Variants in CNTNAP2 observed in about 807,000 individuals in gnomAD.
CNTNAP2 encodes the protein contactin-associated protein-like 2.
In CNTNAP2, 98 loss-of-function variants were observed where a neutral mutation model predicts 155.2. The ratio of observed to expected loss-of-function variants is 0.63; its 90% CI spans 0.54 to 0.75. CNTNAP2 has a LOEUF of 0.75. CNTNAP2 is among the 30% of genes least tolerant of loss of function. The probability of loss-of-function intolerance (pLI) is 0.00; values close to 1 mark genes in which losing one functional copy is unlikely to be tolerated. For missense variants in CNTNAP2, 1,727 were observed against 1,688.1 expected (o/e 1.02, Z -0.40); for synonymous variants, 651 against 631.2 (o/e 1.03, Z -0.47).
chr7:146,728,026 G>T (rs897197418), intron 1 of CNTNAP2, among the ~76,000 whole-genome samples: 1 of 152,112 alleles, frequency 6.6e-6, no homozygotes, highest in Non-Finnish European at 1.5e-5. Context: ...CTAAACCGAC[G>T]ATTTCAACTC....
At chr7:147,463,261 A>G (rs916256097) in intron 10 of CNTNAP2, among the ~76,000 whole-genome samples, 1 of 152,232 alleles carries the variant, frequency 6.6e-6, no homozygotes, top group Non-Finnish European at 1.5e-5. Flanking sequence ...ATTTGGCCAT[A>G]ATTAAGTGCA....
chr7:147,559,642 G>C (rs1018392365), intron 11 of CNTNAP2, among the ~76,000 whole-genome samples: 1 of 152,102 alleles, frequency 6.6e-6, no homozygotes, highest in Admixed American at 6.5e-5. Context: ...AAGGGGAATG[G>C]TTTCAATGGC....
chr7:147,247,028 G>A (rs1269202186), intron 8 of CNTNAP2, among the ~76,000 whole-genome samples: 1 of 152,152 alleles, frequency 6.6e-6, no homozygotes, highest in Non-Finnish European at 1.5e-5. Flanking sequence ...TATTTAACAA[G>A]TCTCTACTTC....
chr7:148,220,445 T>G (rs2116762400), intron 19 of CNTNAP2, among the ~76,000 whole-genome samples: 1 of 152,308 alleles, frequency 6.6e-6, no homozygotes, highest in East Asian at 1.9e-4. Flanking sequence ...GAAAAGAATC[T>G]GAAAGTTCAA....
chr7:146,610,955 C>T (rs867533789), intron 1 of CNTNAP2, among the ~76,000 whole-genome samples: 8 of 152,132 alleles, frequency 5.3e-5, no homozygotes, highest in African/African-American at 1.9e-4. Flanking sequence ...AAAGTCCCAA[C>T]CTCTGGGATT....
At chr7:147,949,440 GTATA>G (rs57422437) in intron 14 of CNTNAP2, among the ~76,000 whole-genome samples, 10 of 127,400 alleles carry the variant, frequency 7.8e-5, no homozygotes, top group African/African-American at 1.9e-4. Context: ...TCAACTGTGT[GTATA>G]TATATATATA....
rs76455406 is a variant in CNTNAP2, at chr7:146,489,731, A to G, written c.98-284540A>G. ...TATGCTGACAATTCGAAGGGTGAAGATGGGTGGAGAGGAATTTTATTGAGC... is the reference window on the plus strand; with the variant it reads ...TATGCTGACAATTCGAAGGGTGAAGGTGGGTGGAGAGGAATTTTATTGAGC... On this transcript the variant is annotated intron_variant, in intron 1 of 23. Coordinates refer to ENST00000361727, the MANE Select transcript of CNTNAP2 (RefSeq NM_014141.6). Among the ~76,000 whole-genome samples the G allele has an allele frequency of 2.2e-3, 339 of 152,200 alleles. 2 individuals are homozygous for G. The highest frequency in any genetic ancestry group is 3.6e-3 in the Non-Finnish European group (246 of 68,002).
intron 9 of CNTNAP2, among the ~76,000 whole-genome samples, chr7:147,373,797 T>G (rs1423660307): frequency 6.6e-6 from 1 of 152,062 alleles, no homozygotes; most frequent in East Asian, 1.9e-4. Flanking sequence ...TTTTGCTTGT[T>G]GGTTTGGTTT....
At chr7:146,920,472 A>T (rs1796478637) in intron 3 of CNTNAP2, among the ~76,000 whole-genome samples, 1 of 152,088 alleles carries the variant, frequency 6.6e-6, no homozygotes, top group Non-Finnish European at 1.5e-5. Flanking sequence ...TGATCTAATC[A>T]TGCCATATTG....
At chr7:146,310,515 C>G (rs944842186) in intron 1 of CNTNAP2, among the ~76,000 whole-genome samples, 4 of 151,886 alleles carry the variant, frequency 2.6e-5, no homozygotes, top group African/African-American at 9.7e-5. Flanking sequence ...TATAATTGTA[C>G]TATTTTCCTG....
chr7:146,691,353 C>G (rs931614968), intron 1 of CNTNAP2, among the ~76,000 whole-genome samples: 1 of 152,058 alleles, frequency 6.6e-6, no homozygotes, highest in African/African-American at 2.4e-5. Flanking sequence ...GTTGAAAATG[C>G]GTTTAATACC....
At chr7:147,947,950 A>C (rs1422686842) in intron 14 of CNTNAP2, among the ~76,000 whole-genome samples, 1 of 152,178 alleles carries the variant, frequency 6.6e-6, no homozygotes, top group African/African-American at 2.4e-5. Flanking sequence ...CTTCCAAAGG[A>C]AACATGGTCT....
intron 3 of CNTNAP2, among the ~76,000 whole-genome samples, chr7:147,036,389 G>T (rs1159458334): frequency 1.3e-5 from 2 of 152,080 alleles, no homozygotes; most frequent in East Asian, 3.9e-4. Context: ...TTAACATTGT[G>T]GATGACTTAC....
intron 17 of CNTNAP2, among the ~76,000 whole-genome samples, chr7:148,154,936 C>CAA (rs113236445): frequency 1.6e-5 from 2 of 128,856 alleles, no homozygotes; most frequent in Non-Finnish European, 1.7e-5. Flanking sequence ...GACCACATCT[C>CAA]AAAAAAAAAA....
chr7:146,721,653 T>A lies in CNTNAP2; in HGVS notation c.98-52618T>A, dbSNP rs867850077. The stretch of plus-strand genomic sequence containing the variant: ...CATTCTATATATATTCTATATATAT[T>A]CTATATACATTCTATATATATACTA... On this transcript the variant is annotated intron_variant, in intron 1 of 23. Transcript: ENST00000361727. 1.9e-3 allele frequency among the ~76,000 whole-genome samples: 190 copies of A among 102,168 alleles called. 5 individuals carry two copies. The highest frequency in any genetic ancestry group is 5.4e-3 in the South Asian group (23 of 4,222). The allele number at this position is 102,168 out of a possible 152,430, so 67.0% of individuals were successfully genotyped here.
chr7:146,536,190 C>T (rs1797866360), intron 1 of CNTNAP2, among the ~76,000 whole-genome samples: 1 of 152,098 alleles, frequency 6.6e-6, no homozygotes, highest in East Asian at 1.9e-4. Flanking sequence ...CAGCAAATTG[C>T]ACTCAGAATT....
intron 13 of CNTNAP2, among the ~76,000 whole-genome samples, chr7:147,834,117 G>A (rs1584980800): frequency 1.3e-5 from 2 of 152,274 alleles, no homozygotes; most frequent in East Asian, 3.9e-4. Flanking sequence ...TGACTATCAT[G>A]TTCTTTTTCC....
At chr7:147,050,875 C>G (rs955419080) in intron 4 of CNTNAP2, among the ~76,000 whole-genome samples, 3 of 152,094 alleles carry the variant, frequency 2.0e-5, no homozygotes, top group Admixed American at 6.6e-5. Context: ...ATGTCCCTCG[C>G]CCATCTCCTG....
chr7:147,705,686 C>A (rs879639461), intron 13 of CNTNAP2, among the ~76,000 whole-genome samples: 21 of 152,132 alleles, frequency 1.4e-4, no homozygotes, highest in African/African-American at 5.1e-4. Flanking sequence ...TGGAGTCTAT[C>A]TCTCCCTTTA....
Sources: allele counts gnomAD v4.1 joint callset (sites outside exome capture counted in the v4.1 genomes callset), GRCh38; gene constraint gnomAD v4.1.1; transcripts MANE v1.5; gene names NCBI Gene and HGNC (gene_info 2026-07-23, HGNC 2026-07-21).